RAD51B: variants seen among roughly 807,000 people sequenced by gnomAD.
RAD51B encodes the protein RAD51 paralog B, also known as DNA repair protein RAD51 homolog 2.
RAD51B carries 38 observed loss-of-function variants against 42.2 expected under a neutral mutation model. The ratio of observed to expected loss-of-function variants is 0.90; its 90% CI spans 0.70 to 1.18. RAD51B has a LOEUF of 1.18. Ranked by LOEUF, RAD51B falls within the 50% of genes most tolerant of loss-of-function variation. The probability of loss-of-function intolerance (pLI) is 0.00; values close to 1 mark genes in which losing one functional copy is unlikely to be tolerated. For missense variants in RAD51B, 373 were observed against 400.7 expected, an observed-to-expected ratio of 0.93 and a Z score of 0.59; for synonymous variants, 154 against 145.2, an observed-to-expected ratio of 1.06 and a Z score of -0.43.
intron 7 of RAD51B, among the ~76,000 whole-genome samples, chr14:67,890,427 A>G (rs534690717): frequency 1.3e-5 from 2 of 151,930 alleles, no homozygotes; most frequent in African/African-American, 4.8e-5. Flanking sequence ...TGAGACATAC[A>G]GAATTACGGT....
chr14:68,577,828 C>A (rs1280087691), intron 10 of RAD51B, among the ~76,000 whole-genome samples: 1 of 152,184 alleles, frequency 6.6e-6, no homozygotes, highest in Admixed American at 6.5e-5. Flanking sequence ...TCCTACCTGC[C>A]GTGGTGTACA....
intron 7 of RAD51B, among the ~76,000 whole-genome samples, chr14:67,935,496 C>T (rs79121555): frequency 0.026 from 4,028 of 152,232 alleles, 179 homozygotes; most frequent in African/African-American, 0.092. Context: ...TCCCATGTAG[C>T]TAGGACTACA....
intron 7 of RAD51B, among the ~76,000 whole-genome samples, chr14:68,059,875 T>G (rs2140437963): frequency 6.6e-6 from 1 of 152,314 alleles, no homozygotes; most frequent in African/African-American, 2.4e-5. Context: ...TATTTAAAAT[T>G]TTTTATTTTA....
At chr14:68,148,429 TCACCAG>T (rs2078302077) in intron 7 of RAD51B, among the ~76,000 whole-genome samples, 1 of 152,250 alleles carries the variant, frequency 6.6e-6, no homozygotes, top group Non-Finnish European at 1.5e-5. Context: ...TTTTGCTTTC[TCACCAG>T]CAATGAATGA....
At chr14:68,444,518 G>A (rs978577125) in intron 9 of RAD51B, among the ~76,000 whole-genome samples, 1 of 152,040 alleles carries the variant, frequency 6.6e-6, no homozygotes, top group African/African-American at 2.4e-5. Context: ...CTATTGGAAT[G>A]GAAATTAAAC....
chr14:67,839,649 C>G (rs966562117), intron 4 of RAD51B, among the ~76,000 whole-genome samples: 1 of 151,362 alleles, frequency 6.6e-6, no homozygotes, highest in African/African-American at 2.4e-5. Flanking sequence ...CTTTGTTGGT[C>G]TTCTCTATTA....
intron 7 of RAD51B, among the ~76,000 whole-genome samples, chr14:68,263,282 C>T (rs35528577): frequency 2.4e-4 from 36 of 152,302 alleles, no homozygotes; most frequent in African/African-American, 8.2e-4. Context: ...TTACTCAAGA[C>T]TCTGTTACAT....
chr14:67,950,419 T>C (rs8016563), intron 7 of RAD51B, among the ~76,000 whole-genome samples: 10,810 of 152,280 alleles, frequency 0.071, 949 homozygotes, highest in African/African-American at 0.21. Context: ...TTTTCTTTTA[T>C]AGCTTTCTTT....
intron 7 of RAD51B, among the ~76,000 whole-genome samples, chr14:67,963,365 T>A (rs2074707911): frequency 6.6e-6 from 1 of 152,160 alleles, no homozygotes; most frequent in African/African-American, 2.4e-5. Context: ...ATACCTAATA[T>A]TTCTCAATGG....
chr14:68,358,557 C>T (rs1365637981), intron 8 of RAD51B, among the ~76,000 whole-genome samples: 2 of 152,188 alleles, frequency 1.3e-5, no homozygotes, highest in Admixed American at 6.5e-5. Context: ...CTTTGTGAGT[C>T]TCTTGAGTGA....
At chr14:67,865,280 G>C in intron 5 of RAD51B, 141 bp downstream of exon 5, 1 of 842,150 alleles carries the variant, frequency 1.2e-6, no homozygotes. Context: ...CTCTGTTGCC[G>C]GGCTGGAGTG....
chr14:68,642,721 C>A lies in RAD51B; in HGVS notation c.1037-8060C>A, dbSNP rs150614027. On this transcript the variant is annotated intron_variant, in intron 10 of 11. Coordinates refer to the RAD51B transcript ENST00000488612. ...CTTAGGTGATTGATTTTAGATCTTT[C>A]TTCTAACGTATGCACTCAGTGCTAT... Among the ~76,000 whole-genome samples, 12 of 152,242 alleles carry A rather than the reference C, an allele frequency of 7.9e-5. No homozygotes were observed. The South Asian group carries it at 1.2e-3, about 16-fold the overall frequency.
chr14:68,447,646 T>G (rs2085452779), intron 9 of RAD51B, among the ~76,000 whole-genome samples: 1 of 152,190 alleles, frequency 6.6e-6, no homozygotes, highest in South Asian at 2.1e-4. Flanking sequence ...TTGAAAAGTT[T>G]CAGATGAAGA....
intron 8 of RAD51B, among the ~76,000 whole-genome samples, chr14:68,344,686 G>A (rs1488699208): frequency 1.3e-5 from 2 of 151,210 alleles, no homozygotes; most frequent in Admixed American, 6.6e-5. Flanking sequence ...GGTGGCTCAC[G>A]CCTGTAATCC....
chr14:68,550,468 T>G (rs1040754586), intron 10 of RAD51B, among the ~76,000 whole-genome samples: 2 of 152,236 alleles, frequency 1.3e-5, no homozygotes, highest in African/African-American at 4.8e-5. Flanking sequence ...TATTACTCTT[T>G]ATCCTGCAGA....
At chr14:68,278,144 A>G (rs1186284438) in intron 7 of RAD51B, among the ~76,000 whole-genome samples, 1 of 152,240 alleles carries the variant, frequency 6.6e-6, no homozygotes, top group Non-Finnish European at 1.5e-5. Flanking sequence ...AGGCAATACT[A>G]GTTGCCCTAG....
At chr14:67,999,066 G>A (rs755636831) in intron 7 of RAD51B, among the ~76,000 whole-genome samples, 1 of 151,808 alleles carries the variant, frequency 6.6e-6, no homozygotes, top group Non-Finnish European at 1.5e-5. Flanking sequence ...ATCATTCCTT[G>A]TGGTGCATTC....
downstream of RAD51B, chr14:68,611,576 T>C (rs1891683576): frequency 2.5e-6 from 1 of 402,712 alleles, no homozygotes; most frequent in Non-Finnish European, 4.6e-6. Context: ...AAAGGTACCA[T>C]ATAGAAATAA....
chr14:67,865,830 G>A (rs1376393024), intron 5 of RAD51B, among the ~76,000 whole-genome samples: 3 of 152,176 alleles, frequency 2.0e-5, no homozygotes, highest in African/African-American at 2.4e-5. Flanking sequence ...GAGCCACTGC[G>A]CCTGGCCTAA....
Sources: gnomAD v4.1 joint callset for allele counts (sites outside exome capture counted in the v4.1 genomes callset) on GRCh38, gnomAD v4.1.1 for gene constraint, MANE v1.5 for transcripts, NCBI Gene and HGNC (gene_info 2026-07-23, HGNC 2026-07-21) for gene names.